ASB3: variants seen among roughly 807,000 people sequenced by gnomAD.
ASB3 encodes the protein ankyrin repeat and SOCS box protein 3.
In ASB3, 41 loss-of-function variants were observed where a neutral mutation model predicts 54.5. The observed-to-expected ratio is 0.75, with a 90% CI of 0.59 to 0.98. The LOEUF is 0.98. Ranked by LOEUF, ASB3 falls within the 50% of genes least tolerant of loss-of-function variation. The probability of loss-of-function intolerance (pLI) is 0.00; values close to 1 mark genes in which losing one functional copy is unlikely to be tolerated. For missense variants in ASB3, 733 were observed against 620.0 expected, an observed-to-expected ratio of 1.18 and a Z score of -1.94; for synonymous variants, 266 against 221.2, an observed-to-expected ratio of 1.20 and a Z score of -1.80.
At chr2:53,728,362 C>T (rs1010233063) in intron 5 of ASB3, among the ~76,000 whole-genome samples, 2 of 152,054 alleles carry the variant, frequency 1.3e-5, no homozygotes, top group Admixed American at 6.5e-5. Context: ...AACAAAATAG[C>T]CATCTAATAA....
At chr2:53,680,767 C>T (rs1322560762) in intron 9 of ASB3, among the ~76,000 whole-genome samples, 1 of 152,078 alleles carries the variant, frequency 6.6e-6, no homozygotes, top group Non-Finnish European at 1.5e-5. Context: ...GAAAAATGTA[C>T]AATAAATTGT....
intron 2 of ASB3, among the ~76,000 whole-genome samples, chr2:53,757,967 G>C (rs1440613073): frequency 1.3e-5 from 2 of 152,082 alleles, no homozygotes; most frequent in Admixed American, 6.5e-5. Context: ...CAACATAATA[G>C]ATCAGGATGA....
chr2:53,763,084 A>G (rs1457375146), intron 2 of ASB3, among the ~76,000 whole-genome samples: 4 of 152,148 alleles, frequency 2.6e-5, no homozygotes, highest in Non-Finnish European at 4.4e-5. Context: ...AGGTAGGAAA[A>G]TTATATAATA....
chr2:53,744,651 A>G (rs1672131350), intron 3 of ASB3, among the ~76,000 whole-genome samples: 1 of 152,132 alleles, frequency 6.6e-6, no homozygotes, highest in Non-Finnish European at 1.5e-5. Context: ...AAAACCTCCA[A>G]AGCAAAGTTT....
chr2:53,784,747 C>T (rs1674841897), intron 1 of ASB3, among the ~76,000 whole-genome samples: 1 of 152,196 alleles, frequency 6.6e-6, no homozygotes, highest in Non-Finnish European at 1.5e-5. Flanking sequence ...TTAGGGCCCC[C>T]TTTGATTCAG....
intron 2 of ASB3, among the ~76,000 whole-genome samples, chr2:53,755,978 C>CA (rs1553380760): frequency 1.2e-5 from 1 of 85,308 alleles, no homozygotes; most frequent in South Asian, 2.8e-4. Flanking sequence ...AATAGTAAGA[C>CA]CCCCCCCCCA....
chr2:53,765,942 C>A (rs140972117), intron 1 of ASB3, among the ~76,000 whole-genome samples: 38 of 152,094 alleles, frequency 2.5e-4, no homozygotes, highest in African/African-American at 7.9e-4. Flanking sequence ...TTTGGTGCTC[C>A]ATTGATAAGA....
chr2:53,754,800 G>A (rs915077233), intron 2 of ASB3, among the ~76,000 whole-genome samples: 1 of 152,196 alleles, frequency 6.6e-6, no homozygotes, highest in Non-Finnish European at 1.5e-5. Context: ...TACTGTCAAA[G>A]TTGTTACACA....
At chr2:53,776,258 A>G (rs1442356561) in intron 1 of ASB3, among the ~76,000 whole-genome samples, 1 of 152,224 alleles carries the variant, frequency 6.6e-6, no homozygotes, top group African/African-American at 2.4e-5. Flanking sequence ...TTTAAATATT[A>G]GTTTTCCAGA....
rs1291307696 is a variant in ASB3, at chr2:53,740,980, T to G, written c.355+9803A>C. ...AAACTTACACCTTCTTCTAGGGCTATAACACTGTAATTCTACTACTTTCAG... is the reference window on the plus strand; with the variant it reads ...AAACTTACACCTTCTTCTAGGGCTAGAACACTGTAATTCTACTACTTTCAG... On this transcript the variant is annotated intron_variant, in intron 3 of 9. Transcript: ENST00000263634. Among the ~76,000 whole-genome samples the G allele has an allele frequency of 4.6e-5, 7 of 152,356 alleles. No homozygotes were observed. In the South Asian group the frequency reaches 1.2e-3, roughly 27 times the overall value.
intron 7 of ASB3, among the ~76,000 whole-genome samples, chr2:53,709,934 T>C (rs1366107134): frequency 1.3e-5 from 2 of 152,204 alleles, no homozygotes; most frequent in Admixed American, 1.3e-4. Flanking sequence ...ATGAGGATAC[T>C]GCAGCCGTCC....
chr2:53,692,949 T>C (rs1056864727), intron 9 of ASB3, among the ~76,000 whole-genome samples: 1 of 152,184 alleles, frequency 6.6e-6, no homozygotes, highest in Non-Finnish European at 1.5e-5. Flanking sequence ...CTCTTAACAG[T>C]TTGAATACAC....
chr2:53,717,127 T>C (rs542875178), intron 5 of ASB3, among the ~76,000 whole-genome samples: 55 of 152,256 alleles, frequency 3.6e-4, no homozygotes, highest in African/African-American at 1.3e-3. Flanking sequence ...ATTTTTAAGC[T>C]AAAACAAAAA....
At chr2:53,698,846 C>T (rs561596001) in intron 8 of ASB3, among the ~76,000 whole-genome samples, 17 of 152,294 alleles carry the variant, frequency 1.1e-4, no homozygotes, top group African/African-American at 3.6e-4. Context: ...ACTCCATTTA[C>T]GGAAATATAG....
At chr2:53,755,526 C>G (rs1672764637) in intron 2 of ASB3, among the ~76,000 whole-genome samples, 1 of 152,152 alleles carries the variant, frequency 6.6e-6, no homozygotes, top group Non-Finnish European at 1.5e-5. Context: ...TACTATGTGC[C>G]AATCACAAGT....
intron 2 of ASB3, among the ~76,000 whole-genome samples, chr2:53,751,962 G>C (rs1191187929): frequency 6.6e-6 from 1 of 152,172 alleles, no homozygotes; most frequent in African/African-American, 2.4e-5. Flanking sequence ...ATTCAAAGTA[G>C]TTTATTGAGA....
At chr2:53,781,793 C>T (rs560642567) in intron 1 of ASB3, among the ~76,000 whole-genome samples, 6 of 152,196 alleles carry the variant, frequency 3.9e-5, no homozygotes, top group African/African-American at 1.4e-4. Context: ...CCACGCCCGG[C>T]GGAGATTCTT....
chr2:53,671,370 G>C (rs1233383078), intron 9 of ASB3, among the ~76,000 whole-genome samples: 1 of 151,430 alleles, frequency 6.6e-6, no homozygotes, highest in Non-Finnish European at 1.5e-5. Flanking sequence ...GTGTGTGTGT[G>C]TGTGTGTGTG....
chr2:53,745,917 A>G (rs1200537616), intron 3 of ASB3, among the ~76,000 whole-genome samples: 2 of 152,230 alleles, frequency 1.3e-5, no homozygotes, highest in African/African-American at 4.8e-5. Context: ...GTAGTTTGAT[A>G]CAAACCTTGA....
Sources: allele counts gnomAD v4.1 joint callset (sites outside exome capture counted in the v4.1 genomes callset), GRCh38; gene constraint gnomAD v4.1.1; transcripts MANE v1.5; gene names NCBI Gene and HGNC (gene_info 2026-07-23, HGNC 2026-07-21).